The following RCL1 variants were observed in gnomAD, a reference collection of about 807,000 sequenced individuals.
The protein encoded by RCL1 is RNA 3'-terminal phosphate cyclase-like protein.
In RCL1, 24 loss-of-function variants were observed where a neutral mutation model predicts 42.4. The observed-to-expected ratio is 0.57, with a 90% CI of 0.41 to 0.80. The LOEUF is 0.80. Ranked by LOEUF, RCL1 falls within the 30% of genes least tolerant of loss-of-function variation. RCL1 has a pLI of 0.00. For synonymous variants in RCL1, 228 were observed against 177.3 expected, an observed-to-expected ratio of 1.29 and a Z score of -2.27; for missense variants, 578 against 467.9, an observed-to-expected ratio of 1.24 and a Z score of -2.17.
In RCL1 at chr9:4,860,304, C is replaced by T. The variant is rs199792372; in HGVS notation, c.*29C>T. ...CCATCACAAGATAAGGCCCCAATGC[C>T]TACAGACAAAGCAGAAGCTGCCACG... On this transcript the variant is annotated 3_prime_UTR_variant, in exon 9 of 9. Coordinates refer to ENST00000381750, the MANE Select transcript of RCL1 (RefSeq NM_005772.5). The T allele has an allele frequency of 6.2e-6, 10 of 1,604,866 alleles. No individual in the cohort carries two copies. The highest frequency in any genetic ancestry group is 5.4e-5 in the African/African-American group (4 of 74,566).
intron 1 of RCL1, among the ~76,000 whole-genome samples, chr9:4,817,912 A>ATTTTTTTT (rs66886360): frequency 3.7e-4 from 29 of 78,356 alleles, no homozygotes; most frequent in East Asian, 9.0e-4. Context: ...CTTTTCTAAG[A>ATTTTTTTT]TTTTTTTTTT....
intron 7 of RCL1, among the ~76,000 whole-genome samples, chr9:4,845,631 C>T: frequency 6.6e-6 from 1 of 152,212 alleles, no homozygotes; most frequent in East Asian, 1.9e-4. Context: ...TGTTAGTCTG[C>T]ACCGTCTTTT....
At chr9:4,810,963 T>C (rs888166031) in intron 1 of RCL1, among the ~76,000 whole-genome samples, 31 of 152,012 alleles carry the variant, frequency 2.0e-4, no homozygotes, top group Admixed American at 2.0e-3. Context: ...GTGTGATATT[T>C]TGATACATGT....
intron 8 of RCL1, among the ~76,000 whole-genome samples, chr9:4,851,445 C>CG (rs1198545074): frequency 9.9e-5 from 15 of 152,188 alleles, no homozygotes; most frequent in African/African-American, 3.6e-4. Flanking sequence ...GTTTCATACT[C>CG]TTTCTGCCCC....
At chr9:4,798,093 G>C (rs940705322) in intron 1 of RCL1, among the ~76,000 whole-genome samples, 1 of 152,190 alleles carries the variant, frequency 6.6e-6, no homozygotes, top group Admixed American at 6.5e-5. Context: ...CAAACGTGTA[G>C]TGAGGGACAG....
intron 1 of RCL1, among the ~76,000 whole-genome samples, chr9:4,818,222 A>C (rs1424953721): frequency 1.3e-5 from 2 of 151,982 alleles, no homozygotes; most frequent in Non-Finnish European, 2.9e-5. Flanking sequence ...CGCCCGGCCC[A>C]GTTGCTAAGA....
At chr9:4,800,315 G>T (rs559464522) in intron 1 of RCL1, among the ~76,000 whole-genome samples, 1 of 151,946 alleles carries the variant, frequency 6.6e-6, no homozygotes, top group African/African-American at 2.4e-5. Flanking sequence ...CCCGGGTTCA[G>T]GCGATTCTCC....
At position 4,837,198 on chromosome 9, in the gene RCL1, A is replaced by C. The variant is rs117352988; in HGVS notation, c.584+2933A>C. On this transcript the variant is annotated intron_variant, in intron 5 of 8. Transcript: ENST00000381750. ...AAATGTGCCTTTTCTACTTGAATTC[A>C]TTCTTATTAACAGATGCATTGTATT... is the stretch of plus-strand genomic sequence containing the variant. Among the ~76,000 whole-genome samples, 864 of 152,240 alleles carry C rather than the reference A, an allele frequency of 5.7e-3. 10 individuals are homozygous for C. The highest frequency in any genetic ancestry group is 6.2e-3 in the Non-Finnish European group (424 of 68,004).
At chr9:4,850,860 G>C (rs1172129932) in intron 8 of RCL1, among the ~76,000 whole-genome samples, 1 of 152,104 alleles carries the variant, frequency 6.6e-6, no homozygotes, top group Non-Finnish European at 1.5e-5. Context: ...TTGTAGCTGG[G>C]CTCGTAGCTG....
chr9:4,825,913 A>G (rs547119260), intron 2 of RCL1, among the ~76,000 whole-genome samples: 1 of 151,850 alleles, frequency 6.6e-6, no homozygotes, highest in South Asian at 2.1e-4. Context: ...CCTGGGCAAT[A>G]TAGTGAGACC....
intron 5 of RCL1, among the ~76,000 whole-genome samples, chr9:4,836,362 A>T (rs1487971311): frequency 6.6e-6 from 1 of 152,184 alleles, no homozygotes; most frequent in Non-Finnish European, 1.5e-5. Flanking sequence ...GAGGATTGTC[A>T]CAGGGGCTCA....
intron 1 of RCL1, among the ~76,000 whole-genome samples, chr9:4,800,955 G>C (rs969261553): frequency 5.9e-5 from 9 of 152,072 alleles, no homozygotes; most frequent in Admixed American, 5.2e-4. Context: ...CACTGGCCTG[G>C]ATGTACCATT....
Position 4,860,124 on chromosome 9 carries a change from G to T in RCL1, c.972-1G>T. On this transcript the variant is annotated splice_acceptor_variant, in intron 8 of 8. Transcript: ENST00000381750. LOFTEE classifies it high-confidence loss of function. ...TATTTATTTATTTTTTTCCTTTTTAGGATAGAATTTTTGCGGCATTTGAAG... is the reference window on the plus strand; with the variant it reads ...TATTTATTTATTTTTTTCCTTTTTATGATAGAATTTTTGCGGCATTTGAAG... 2 of 1,561,900 alleles carry T rather than the reference G, an allele frequency of 1.3e-6. No homozygotes were observed. The highest frequency in any genetic ancestry group is 1.7e-6 in the Non-Finnish European group (2 of 1,155,748).
chr9:4,848,488 T>TG (rs1306922155), intron 7 of RCL1, among the ~76,000 whole-genome samples: 1 of 152,252 alleles, frequency 6.6e-6, no homozygotes, highest in African/African-American at 2.4e-5. Flanking sequence ...ACCACACTGC[T>TG]GGCCACCTAT....
chr9:4,839,656 G>A (rs904135367), intron 5 of RCL1: 13 of 985,304 alleles, frequency 1.3e-5, no homozygotes, highest in Non-Finnish European at 1.6e-5. Flanking sequence ...GGCTGTGTGT[G>A]TATTGAAAAA....
At chr9:4,806,623 C>CAT (rs1449317039) in intron 1 of RCL1, among the ~76,000 whole-genome samples, 15 of 149,386 alleles carry the variant, frequency 1.0e-4, no homozygotes, top group African/African-American at 3.8e-4. Flanking sequence ...CACACACACA[C>CAT]ACACACACAC....
At chr9:4,834,641 G>A (rs1302548314) in intron 5 of RCL1, among the ~76,000 whole-genome samples, 1 of 152,100 alleles carries the variant, frequency 6.6e-6, no homozygotes, top group Non-Finnish European at 1.5e-5. Flanking sequence ...ACACAGTTCT[G>A]ATATAACATG....
At chr9:4,819,771 C>T (rs932476780) in intron 1 of RCL1, among the ~76,000 whole-genome samples, 3 of 152,236 alleles carry the variant, frequency 2.0e-5, no homozygotes, top group Non-Finnish European at 2.9e-5. Context: ...CGCGCCACTG[C>T]ACTCCAGCCT....
At chr9:4,851,557 A>G (rs1817749145) in intron 8 of RCL1, among the ~76,000 whole-genome samples, 1 of 152,246 alleles carries the variant, frequency 6.6e-6, no homozygotes, top group African/African-American at 2.4e-5. Flanking sequence ...TTGAGGATAA[A>G]AAAGGGATGA....
Sources: gnomAD v4.1 joint callset for allele counts (sites outside exome capture counted in the v4.1 genomes callset) on GRCh38, gnomAD v4.1.1 for gene constraint, MANE v1.5 for transcripts, NCBI Gene and HGNC (gene_info 2026-07-23, HGNC 2026-07-21) for gene names.